SH3KBP1: variants seen among roughly 807,000 people sequenced by gnomAD.
SH3KBP1 encodes the protein SH3 domain-containing kinase-binding protein 1.
Under a neutral mutation model 50.1 loss-of-function variants are expected in SH3KBP1, and 8 were observed. That is an observed-to-expected ratio of 0.16 (90% CI 0.09 to 0.29). The LOEUF (loss-of-function observed/expected upper bound fraction) is 0.29, where lower values mean the gene tolerates loss of function less well. Ranked by LOEUF, SH3KBP1 falls within the 10% of genes least tolerant of loss-of-function variation. The pLI, the probability that SH3KBP1 is intolerant of heterozygous loss-of-function variation, is 1.00. For synonymous variants in SH3KBP1, 227 were observed against 218.6 expected, an observed-to-expected ratio of 1.04 and a Z score of -0.34; for missense variants, 377 against 535.2, an observed-to-expected ratio of 0.70 and a Z score of 2.92.
intron 2 of SH3KBP1, among the ~76,000 whole-genome samples, chrX:19,826,752 C>T (rs866891047): frequency 7.7e-4 from 76 of 99,293 alleles, no homozygotes; most frequent in African/African-American, 2.6e-3. Context: ...TAACATAACA[C>T]ACCCAGAAAA....
At position 19,836,033 on chromosome X, in the gene SH3KBP1, G is replaced by C. The variant is rs994828303; in HGVS notation, c.162+92C>G. On this transcript the variant is annotated intron_variant, in intron 2 of 17. Coordinates refer to ENST00000397821, the MANE Select transcript of SH3KBP1 (RefSeq NM_031892.3). Reference sequence around the variant, plus strand: ...GAGGAGGGCAAGCCATTCCCTAAGAGAGTTCATGCAATTCATCCTCAAGCG... The same window carrying C: ...GAGGAGGGCAAGCCATTCCCTAAGACAGTTCATGCAATTCATCCTCAAGCG... The C allele has an allele frequency of 4.8e-6, 4 of 828,397 alleles. No individual in the cohort carries two copies. The African/African-American group carries it at 8.1e-5, about 17-fold the overall frequency. The allele number at this position is 828,397 out of a possible 1,213,427, so 68.3% of individuals were successfully genotyped here.
chrX:19,545,903 G>C lies in SH3KBP1; in HGVS notation c.1623+19C>G. ...TGCATGAAATGACAGGGACACCCTC[G>C]CCATGGCTGGTGACTCACTTGGGAT... On this transcript the variant is annotated intron_variant, in intron 15 of 17. Coordinates refer to ENST00000397821, the MANE Select transcript of SH3KBP1 (RefSeq NM_031892.3). The C allele has an allele frequency of 8.3e-7, 1 of 1,209,221 alleles. No individual in the cohort carries two copies. The highest frequency in any genetic ancestry group is 1.1e-6 in the Non-Finnish European group (1 of 893,502).
chrX:19,676,288 G>A (rs2062926307), intron 6 of SH3KBP1, among the ~76,000 whole-genome samples: 2 of 96,963 alleles, frequency 2.1e-5, no homozygotes, highest in Non-Finnish European at 2.0e-5. Context: ...TTATTGACAT[G>A]TTTTAATTTT....
intron 2 of SH3KBP1, among the ~76,000 whole-genome samples, chrX:19,788,497 C>G (rs891053158): frequency 9.0e-6 from 1 of 110,677 alleles, no homozygotes; most frequent in African/African-American, 3.3e-5. Flanking sequence ...TGAATTCCAG[C>G]CTCCAGAACT....
intron 2 of SH3KBP1, among the ~76,000 whole-genome samples, chrX:19,770,764 A>T (rs2065766888): frequency 9.4e-6 from 1 of 106,661 alleles, no homozygotes; most frequent in African/African-American, 3.5e-5. Flanking sequence ...ATGGTACCTC[A>T]CTGTGGTTTT....
intron 1 of SH3KBP1, among the ~76,000 whole-genome samples, chrX:19,865,125 T>C (rs1158799434): frequency 8.9e-6 from 1 of 112,809 alleles, no homozygotes; most frequent in Non-Finnish European, 1.9e-5. Flanking sequence ...AAAATGAGAC[T>C]ATTACTTATG....
chrX:19,746,376 T>C lies in SH3KBP1; in HGVS notation c.228A>G (p.Glu76=), dbSNP rs780183639. ...TNKAPEKPLH[E]VPSGNSLLSS... Reference sequence around the variant, plus strand: ...ACAGCAAAGAGTTTCCACTGGGCACTTCGTGCAGGGGCTTTTCTGGAGCTT... The same window carrying C: ...ACAGCAAAGAGTTTCCACTGGGCACCTCGTGCAGGGGCTTTTCTGGAGCTT... The change falls in exon 3 of 18, where the codon GAA becomes GAG. Residue 76 remains glutamate, a synonymous_variant. Coordinates refer to ENST00000397821, the MANE Select transcript of SH3KBP1 (RefSeq NM_031892.3). 8.3e-7 allele frequency: 1 copy of C among 1,207,504 alleles called. No homozygotes were observed. Among genetic ancestry groups the C allele is most frequent in the East Asian group, 3.0e-5 (1 of 33,834 alleles).
intron 2 of SH3KBP1, among the ~76,000 whole-genome samples, chrX:19,797,338 G>A (rs1447284554): frequency 9.0e-6 from 1 of 111,578 alleles, no homozygotes; most frequent in Non-Finnish European, 1.9e-5. Context: ...AAGAAAAAAA[G>A]GGGCATTCCC....
chrX:19,735,724 C>CGGGGGG (rs1175892426), intron 3 of SH3KBP1, among the ~76,000 whole-genome samples: 6 of 8,591 alleles, frequency 7.0e-4, no homozygotes, highest in Non-Finnish European at 1.6e-3. Flanking sequence ...TTTTTTTTGG[C>CGGGGGG]GGGGGGGGGG....
intron 5 of SH3KBP1, among the ~76,000 whole-genome samples, chrX:19,691,298 C>CG (rs2063280096): frequency 9.7e-6 from 1 of 103,554 alleles, no homozygotes; most frequent in Admixed American, 1.1e-4. Flanking sequence ...CTCGCACGCA[C>CG]GCACGCATGC....
chrX:19,751,479 C>T (rs1001829846), intron 2 of SH3KBP1, among the ~76,000 whole-genome samples: 1 of 111,535 alleles, frequency 9.0e-6, no homozygotes, highest in African/African-American at 3.3e-5. Context: ...ACATAACTGC[C>T]CACATATATA....
At chrX:19,769,693 T>TA (rs1049177272) in intron 2 of SH3KBP1, among the ~76,000 whole-genome samples, 5 of 110,915 alleles carry the variant, frequency 4.5e-5, no homozygotes, top group African/African-American at 1.3e-4. Context: ...ATCAGACTGC[T>TA]AAAAAAAATC....
rs749020417 is a variant in SH3KBP1 at position 19,601,067 on chromosome X, T to C, written c.1006-6067A>G. On this transcript the variant is annotated intron_variant, in intron 9 of 17. Coordinates refer to ENST00000397821, the MANE Select transcript of SH3KBP1 (RefSeq NM_031892.3). Reference sequence around the variant, plus strand: ...AGTCAATGAACCCACATTTTCTGATTTCTGGGAGAGCCGAATGCCTTCCAT... The same window carrying C: ...AGTCAATGAACCCACATTTTCTGATCTCTGGGAGAGCCGAATGCCTTCCAT... 4.5e-5 allele frequency among the ~76,000 whole-genome samples: 5 copies of C among 111,604 alleles called. No homozygotes were observed. The East Asian group carries it at 1.4e-3, about 32-fold the overall frequency.
chrX:19,698,160 G>A lies in SH3KBP1; in HGVS notation c.391-2419C>T, dbSNP rs754198892. On this transcript the variant is annotated intron_variant, in intron 4 of 17. Coordinates refer to ENST00000397821, the MANE Select transcript of SH3KBP1 (RefSeq NM_031892.3). ...GAGTGGAGTCCTTTGTGCTGGTACT[G>A]AATAAGAAACCAGAAAATGTCCTTC... 2.1e-4 allele frequency among the ~76,000 whole-genome samples: 23 copies of A among 111,582 alleles called. No homozygotes were observed. In the East Asian group the frequency reaches 6.2e-3, roughly 30 times the overall value.
Position 19,873,168 on chromosome X carries a change from C to T in SH3KBP1, c.4+14139G>A, listed in dbSNP as rs1435412632. Among the ~76,000 whole-genome samples the T allele has an allele frequency of 3.7e-5, 4 of 107,220 alleles. No individual in the cohort carries two copies. The South Asian group carries it at 1.6e-3, about 44-fold the overall frequency. 93.1% of individuals were successfully genotyped at this position (107,220 alleles called of 115,157 possible). ...AGATCATAGAAGCTACCTAAATGCT[C>T]AAATGACAGGGAAATAGTTACATAA... is the stretch of plus-strand genomic sequence containing the variant. On this transcript the variant is annotated intron_variant, in intron 1 of 17. Transcript: ENST00000397821.
rs765669120 is a variant in SH3KBP1, at chrX:19,698,672, G to A, written c.391-2931C>T. On this transcript the variant is annotated intron_variant, in intron 4 of 17. Coordinates refer to ENST00000397821, the MANE Select transcript of SH3KBP1 (RefSeq NM_031892.3). ...GGTGGCCCCAGTACCAGTGAGAGTC[G>A]TTCAGTACTATTTCCTTCTATAGCC... Among the ~76,000 whole-genome samples the A allele has an allele frequency of 9.8e-5, 11 of 111,721 alleles. No individual in the cohort carries two copies. In the South Asian group the frequency reaches 2.6e-3, roughly 27 times the overall value.
chrX:19,654,989 C>T (rs2062236437), intron 6 of SH3KBP1, among the ~76,000 whole-genome samples: 1 of 111,781 alleles, frequency 8.9e-6, no homozygotes, highest in African/African-American at 3.3e-5. Context: ...AGGCCTTTAC[C>T]TGGAGATGGC....
At chrX:19,569,835 G>A (rs1293157788) in intron 12 of SH3KBP1, among the ~76,000 whole-genome samples, 1 of 111,405 alleles carries the variant, frequency 9.0e-6, no homozygotes, top group Non-Finnish European at 1.9e-5. Context: ...AAGATGACGA[G>A]AGAAACCTAG....
At chrX:19,633,474 G>A (rs2061625068) in intron 7 of SH3KBP1, among the ~76,000 whole-genome samples, 1 of 111,918 alleles carries the variant, frequency 8.9e-6, no homozygotes, top group Non-Finnish European at 1.9e-5. Flanking sequence ...TTGGTCAAAT[G>A]TTCTACAGAG....
Sources: gnomAD v4.1 joint callset for allele counts (sites outside exome capture counted in the v4.1 genomes callset) on GRCh38, gnomAD v4.1.1 for gene constraint, MANE v1.5 for transcripts, NCBI Gene and HGNC (gene_info 2026-07-23, HGNC 2026-07-21) for gene names.